Variants in C2CD3 observed in about 807,000 individuals in gnomAD.
The protein encoded by C2CD3 is C2 domain containing 3 centriole elongation regulator.
A neutral mutation model predicts 234.0 loss-of-function variants in C2CD3; 148 were observed. That is an observed-to-expected ratio of 0.63 (90% CI 0.55 to 0.72). The LOEUF (loss-of-function observed/expected upper bound fraction) is 0.72, where lower values mean the gene tolerates loss of function less well. C2CD3 is among the 30% of genes least tolerant of loss of function. C2CD3 has a pLI of 0.00. For missense variants in C2CD3, 2,577 were observed against 2,811.5 expected, an observed-to-expected ratio of 0.92 and a Z score of 1.89; for synonymous variants, 1,000 against 1,035.4, an observed-to-expected ratio of 0.97 and a Z score of 0.66.
In C2CD3 at chr11:74,049,455, G is replaced by T. The variant is rs554279053; in HGVS notation, c.5243C>A (p.Thr1748Lys). ...FQFVCGWYNI[T>K]DFSGECQGQI... ...CCCCTGGCACTCTCCACTGAAGTCTGTGATGTTGTACCAGCCACAGACAAA... is the reference window on the plus strand; with the variant it reads ...CCCCTGGCACTCTCCACTGAAGTCTTTGATGTTGTACCAGCCACAGACAAA... Residue 1748 changes from threonine (T) to lysine (K), a missense_variant, in exon 27 of 33, where the codon ACA becomes AAA. Transcript: ENST00000334126. The T allele has an allele frequency of 1.2e-6, 2 of 1,613,766 alleles. No individual in the cohort carries two copies. Among genetic ancestry groups the T allele is most frequent in the South Asian group, 2.2e-5 (2 of 91,064 alleles).
At chr11:74,149,879 C>T (rs1855480719) in intron 3 of C2CD3, among the ~76,000 whole-genome samples, 1 of 152,150 alleles carries the variant, frequency 6.6e-6, no homozygotes, top group Non-Finnish European at 1.5e-5. Flanking sequence ...TCATTCTACT[C>T]TTACACTAGA....
At chr11:74,117,451 G>T (rs1407095125) in intron 9 of C2CD3, among the ~76,000 whole-genome samples, 1 of 145,424 alleles carries the variant, frequency 6.9e-6, no homozygotes, top group Admixed American at 7.2e-5. Flanking sequence ...AACCTAGATG[G>T]AATTGGAGAC....
chr11:74,155,020 A>C (rs1855921106), intron 3 of C2CD3, among the ~76,000 whole-genome samples: 1 of 152,242 alleles, frequency 6.6e-6, no homozygotes, highest in Non-Finnish European at 1.5e-5. Context: ...GCTTATAGCC[A>C]GCAAAAATGG....
rs145425797 is a variant in C2CD3, at chr11:74,160,063, T to G, written c.483+1336A>C. On this transcript the variant is annotated intron_variant, in intron 3 of 32. Transcript: ENST00000334126. ...TGCCTTCATTGTGTTACAACAGTAT[T>G]CAGTATAGTAACATGCTATATAGGT... is the stretch of plus-strand genomic sequence containing the variant. 1.4e-4 allele frequency among the ~76,000 whole-genome samples: 21 copies of G among 152,326 alleles called. No individual in the cohort carries two copies. In the East Asian group the frequency reaches 4.0e-3, roughly 29 times the overall value.
intron 3 of C2CD3, among the ~76,000 whole-genome samples, chr11:74,160,399 T>C (rs1333443288): frequency 6.6e-6 from 1 of 152,082 alleles, no homozygotes; most frequent in Non-Finnish European, 1.5e-5. Context: ...TGGAATACTA[T>C]TTACAATAAA....
chr11:74,148,741 A>G (rs1370027499), intron 3 of C2CD3, among the ~76,000 whole-genome samples: 2 of 152,090 alleles, frequency 1.3e-5, no homozygotes, highest in African/African-American at 4.8e-5. Flanking sequence ...TCACAGCAAC[A>G]ATGTAAAGCC....
intron 10 of C2CD3, 102 bp from the exon 11 acceptor site, chr11:74,113,994 A>G (rs1956842359): frequency 2.9e-6 from 2 of 683,632 alleles, no homozygotes; most frequent in Admixed American, 2.9e-5. Flanking sequence ...CAGGACCTCT[A>G]GTACTCAGAG....
chr11:74,043,972 C>T (rs958109765), intron 28 of C2CD3, among the ~76,000 whole-genome samples: 1 of 151,994 alleles, frequency 6.6e-6, no homozygotes, highest in Non-Finnish European at 1.5e-5. Flanking sequence ...CACAGATGTG[C>T]ACCACCAAGT....
At chr11:74,114,876 A>AT (rs1439992983) in intron 9 of C2CD3, among the ~76,000 whole-genome samples, 1 of 151,730 alleles carries the variant, frequency 6.6e-6, no homozygotes, top group Non-Finnish European at 1.5e-5. Context: ...TAATTTTTGT[A>AT]TTTTTTGTAG....
chr11:74,169,270 T>A (rs1446208314), intron 1 of C2CD3, among the ~76,000 whole-genome samples: 1 of 152,218 alleles, frequency 6.6e-6, no homozygotes, highest in African/African-American at 2.4e-5. Context: ...CATATATTTA[T>A]TGGCTTTAGT....
intron 24 of C2CD3, among the ~76,000 whole-genome samples, 182 bp from the exon 25 acceptor site, chr11:74,057,726 G>A (rs556511039): frequency 2.0e-5 from 3 of 152,180 alleles, no homozygotes; most frequent in East Asian, 3.9e-4. Context: ...ATCCCAGCAC[G>A]TTGGGAGACC....
At chr11:74,151,508 G>A (rs946653793) in intron 3 of C2CD3, among the ~76,000 whole-genome samples, 4 of 151,674 alleles carry the variant, frequency 2.6e-5, no homozygotes, top group Non-Finnish European at 5.9e-5. Context: ...TGTATTTTTT[G>A]TAGAGATGGA....
intron 28 of C2CD3, 81 bp from the exon 29 acceptor site, chr11:74,042,299 A>C: frequency 2.9e-6 from 4 of 1,379,782 alleles, no homozygotes; most frequent in Non-Finnish European, 3.9e-6. Context: ...ACAATAAACA[A>C]ATCACTATCC....
chr11:74,063,884 A>C (rs1465127505), intron 24 of C2CD3, among the ~76,000 whole-genome samples: 1 of 152,188 alleles, frequency 6.6e-6, no homozygotes, highest in Non-Finnish European at 1.5e-5. Context: ...GTCTCAGCCC[A>C]AAATCTCTCT....
chr11:74,163,701 A>C (rs1856621975), intron 2 of C2CD3, among the ~76,000 whole-genome samples: 1 of 152,206 alleles, frequency 6.6e-6, no homozygotes, highest in Non-Finnish European at 1.5e-5. Flanking sequence ...CTGTGAGTCA[A>C]TTAAACATCT....
intron 30 of C2CD3, chr11:74,036,307 A>C: frequency 2.7e-6 from 1 of 370,704 alleles, no homozygotes; most frequent in Non-Finnish European, 5.4e-6. Flanking sequence ...ATAGAATATA[A>C]GCTTGATGAA....
rs1293792850 is a variant in C2CD3 at position 74,037,708 on chromosome 11, A to G, written c.5661-10T>C. Reference sequence around the variant, plus strand: ...CTCACTCAGATTCTTCCTATAAACAAAAGGGGGAGAAGAAGACAAAGGGGT... The same window carrying G: ...CTCACTCAGATTCTTCCTATAAACAGAAGGGGGAGAAGAAGACAAAGGGGT... On this transcript the variant is annotated splice_polypyrimidine_tract_variant and intron_variant, in intron 29 of 32. Transcript: ENST00000334126. 1 of 1,598,762 alleles carries G rather than the reference A, an allele frequency of 6.3e-7. No individual in the cohort carries two copies. Among genetic ancestry groups the G allele is most frequent in the Admixed American group, 1.7e-5 (1 of 58,794 alleles).
rs775127219 is a variant in C2CD3, at chr11:74,168,409, G to A, written c.260C>T (p.Ala87Val). The A allele has an allele frequency of 3.1e-6, 5 of 1,613,770 alleles. No individual in the cohort carries two copies. The highest frequency in any genetic ancestry group is 4.2e-6 in the Non-Finnish European group (5 of 1,179,626). ...AGCGTAACGTGTAGTTGTTCTCACA[G>A]CTTTTGGTTCAGTCTGCAATGCATC... is the stretch of plus-strand genomic sequence containing the variant. ...PRDALQTEPK[A>V]VRTTTRYAIR... is the part of the protein sequence containing the mutation. The change falls in exon 2 of 33, where the codon GCT becomes GTT. Residue 87 changes from alanine to valine, a missense_variant. Coordinates refer to ENST00000334126, the MANE Select transcript of C2CD3 (RefSeq NM_001286577.2).
chr11:74,104,235 G>C (rs1479984094), intron 13 of C2CD3, among the ~76,000 whole-genome samples: 1 of 152,162 alleles, frequency 6.6e-6, no homozygotes, highest in Non-Finnish European at 1.5e-5. Context: ...AACTGTTCCT[G>C]ACTAAAGGAG....
Sources: gnomAD v4.1 joint callset for allele counts (sites outside exome capture counted in the v4.1 genomes callset) on GRCh38, gnomAD v4.1.1 for gene constraint, MANE v1.5 for transcripts, NCBI Gene and HGNC (gene_info 2026-07-23, HGNC 2026-07-21) for gene names.